CBR4: variants seen among roughly 807,000 people sequenced by gnomAD.
The protein encoded by CBR4 is carbonyl reductase 4, also known as 3-oxoacyl-[acyl-carrier-protein] reductase.
In CBR4, 22 loss-of-function variants were observed where a neutral mutation model predicts 21.0. The observed-to-expected ratio is 1.05, with a 90% CI of 0.75 to 1.50. The LOEUF is 1.50. Among genes scored for constraint, CBR4 ranks in the 40% most tolerant of loss-of-function variants. The pLI, the probability that CBR4 is intolerant of heterozygous loss-of-function variation, is 0.00. For synonymous variants in CBR4, 100 were observed against 104.4 expected, an observed-to-expected ratio of 0.96 and a Z score of 0.26; for missense variants, 302 against 286.3, an observed-to-expected ratio of 1.05 and a Z score of -0.40.
downstream of CBR4, among the ~76,000 whole-genome samples, chr4:168,983,543 C>G (rs112240976): frequency 9.7e-4 from 147 of 152,238 alleles, no homozygotes; most frequent in African/African-American, 3.3e-3. Context: ...GGGACTCCTT[C>G]CTAACTCATT....
Position 168,896,526 on chromosome 4 carries a change from C to T in CBR4, n.170-1761G>A, listed in dbSNP as rs982847011. 6.6e-6 allele frequency: 9 copies of T among 1,371,316 alleles called. No homozygotes were observed. The African/African-American group carries it at 1.1e-4, about 17-fold the overall frequency. The allele number at this position is 1,371,316 out of a possible 1,614,324, so 84.9% of individuals were successfully genotyped here. A position where few individuals can be genotyped will look rare whatever the true frequency, so the allele number is the denominator to read the frequency against. Reference sequence around the variant, plus strand: ...TTATTATTTCTATTATTAGTCTTCACATCTTTTTTTCTACCATTACAGGAC... The same window carrying T: ...TTATTATTTCTATTATTAGTCTTCATATCTTTTTTTCTACCATTACAGGAC... On this transcript the variant is annotated intron_variant and non_coding_transcript_variant, in intron 2 of 3. Transcript: ENST00000509108.
intron 2 of CBR4, among the ~76,000 whole-genome samples, chr4:168,971,271 A>T (rs531362222): frequency 3.6e-4 from 55 of 150,952 alleles, no homozygotes; most frequent in Non-Finnish European, 6.4e-4. Flanking sequence ...TGTATATCTT[A>T]TTTTTTATCT....
chr4:168,916,824 C>T (rs1760221207), intron 2 of CBR4, among the ~76,000 whole-genome samples: 1 of 151,554 alleles, frequency 6.6e-6, no homozygotes, highest in African/African-American at 2.4e-5. Context: ...GCATGTGCCA[C>T]CAGGCCCAGC....
chr4:168,964,451 A>C (rs1285070910), intron 2 of CBR4, among the ~76,000 whole-genome samples: 1 of 152,186 alleles, frequency 6.6e-6, no homozygotes, highest in Non-Finnish European at 1.5e-5. Flanking sequence ...AAGCCTAAAA[A>C]GGTATTTTTC....
chr4:168,924,844 T>G lies in CBR4; in HGVS notation n.170-30079A>C, dbSNP rs188591484. 47 of 1,193,916 alleles carry G rather than the reference T, an allele frequency of 3.9e-5. 1 individual carries two copies. The highest frequency in any genetic ancestry group is 1.0e-4 in the Admixed American group (6 of 57,800). The allele number at this position is 1,193,916 out of a possible 1,614,324, so 74.0% of individuals were successfully genotyped here. ...AAGTATGACCCTATTATCAGCTACT[T>G]GCACAATTCTGTTTCTAATGATCTA... On this transcript the variant is annotated intron_variant and non_coding_transcript_variant, in intron 2 of 3. Transcript: ENST00000509108.
rs541705535 is a variant in CBR4, at chr4:168,970,262, CTTTTT to C, written n.169+31804_169+31808del. Among the ~76,000 whole-genome samples the C allele has an allele frequency of 1.2e-4, 18 of 151,554 alleles. No homozygotes were observed. In the South Asian group the frequency reaches 2.9e-3, roughly 25 times the overall value. On this transcript the variant is annotated intron_variant and non_coding_transcript_variant, in intron 2 of 3. Coordinates refer to the CBR4 transcript ENST00000509108. ...ATATAGTCAATTTGACCAAACTTTT[CTTTTT>C]TATGTTTAAGAATTCCCGCCACACC... is the stretch of plus-strand genomic sequence containing the variant.
intron 2 of CBR4, chr4:168,916,135 G>A: frequency 9.2e-7 from 1 of 1,090,896 alleles, no homozygotes; most frequent in Non-Finnish European, 1.4e-6. Flanking sequence ...AATGAGAGCT[G>A]GGCACAGTGG....
chr4:168,978,493 C>G (rs1168179295), intron 2 of CBR4, among the ~76,000 whole-genome samples: 4 of 152,196 alleles, frequency 2.6e-5, no homozygotes, highest in African/African-American at 9.7e-5. Flanking sequence ...CAGCTGCCCA[C>G]CTGGGATTGG....
At chr4:168,951,324 G>A (rs1368049848) in intron 2 of CBR4, among the ~76,000 whole-genome samples, 1 of 152,178 alleles carries the variant, frequency 6.6e-6, no homozygotes, top group Non-Finnish European at 1.5e-5. Context: ...CCCAAATGCT[G>A]GGATTACAGG....
At chr4:168,905,154 T>TG (rs1757409514) in intron 2 of CBR4, among the ~76,000 whole-genome samples, 1 of 135,596 alleles carries the variant, frequency 7.4e-6, no homozygotes, top group Non-Finnish European at 1.6e-5. Context: ...TTTTTTTTTT[T>TG]TTTTTTTTTT....
At chr4:168,934,342 A>T (rs1763052891) in intron 2 of CBR4, among the ~76,000 whole-genome samples, 1 of 150,292 alleles carries the variant, frequency 6.7e-6, no homozygotes, top group Non-Finnish European at 1.5e-5. Flanking sequence ...GAAAGAAATA[A>T]TAAAGATTAG....
chr4:168,973,721 G>A (rs993479443), intron 2 of CBR4, among the ~76,000 whole-genome samples: 7 of 152,202 alleles, frequency 4.6e-5, no homozygotes, highest in East Asian at 1.9e-4. Context: ...TCTTAATCTC[G>A]CTACTTGTTA....
At chr4:169,000,106 A>T (rs1187789285) in intron 4 of CBR4, among the ~76,000 whole-genome samples, 2 of 152,182 alleles carry the variant, frequency 1.3e-5, no homozygotes, top group Non-Finnish European at 2.9e-5. Context: ...ACAGTATTCC[A>T]ATCCTGAAAA....
At chr4:168,915,107 C>T (rs1759837959) in intron 2 of CBR4, among the ~76,000 whole-genome samples, 2 of 152,142 alleles carry the variant, frequency 1.3e-5, no homozygotes, top group African/African-American at 4.8e-5. Flanking sequence ...TAAATTAGAT[C>T]TATACTTAGA....
At chr4:168,960,167 C>G (rs1409763446) in intron 2 of CBR4, among the ~76,000 whole-genome samples, 1 of 152,194 alleles carries the variant, frequency 6.6e-6, no homozygotes, top group African/African-American at 2.4e-5. Flanking sequence ...GCAGAACTCT[C>G]TGTCTTTGGT....
chr4:169,010,023 C>T lies in CBR4; in HGVS notation c.67G>A (p.Ala23Thr). ...GIGRAVAQLM[A>T]RKGYRLAVIA... ...ACCGCCAGTCGGTAGCCTTTCCGGG[C>T]CATTAACTGGGCCACAGCTCTGCCA... Residue 23 changes from alanine to threonine, a missense_variant, in exon 1 of 5, where the codon GCC (alanine) becomes ACC (threonine). Transcript: ENST00000306193. 1 of 1,613,912 alleles carries T rather than the reference C, an allele frequency of 6.2e-7. No individual in the cohort carries two copies. Among genetic ancestry groups the T allele is most frequent in the Non-Finnish European group, 8.5e-7 (1 of 1,179,978 alleles).
intron 2 of CBR4, among the ~76,000 whole-genome samples, chr4:168,967,105 C>G (rs1303353129): frequency 6.6e-6 from 1 of 151,996 alleles, no homozygotes; most frequent in African/African-American, 2.4e-5. Context: ...TGGACCCAAC[C>G]CAAATGTCCA....
intron 2 of CBR4, among the ~76,000 whole-genome samples, chr4:168,919,573 A>G (rs1761004163): frequency 6.8e-6 from 1 of 146,504 alleles, no homozygotes; most frequent in South Asian, 2.1e-4. Context: ...ATAGATCAGG[A>G]AAAAAAAAAA....
intron 2 of CBR4, among the ~76,000 whole-genome samples, chr4:168,933,198 C>T (rs1028513515): frequency 6.6e-6 from 1 of 152,032 alleles, no homozygotes; most frequent in African/African-American, 2.4e-5. Flanking sequence ...AAATTAAATT[C>T]CCCAATTAAA....
Sources: allele counts gnomAD v4.1 joint callset (sites outside exome capture counted in the v4.1 genomes callset), GRCh38; gene constraint gnomAD v4.1.1; transcripts MANE v1.5; gene names NCBI Gene and HGNC (gene_info 2026-07-23, HGNC 2026-07-21).